CCM2: variants seen among roughly 807,000 people sequenced by gnomAD.
CCM2 encodes the protein CCM2 scaffold protein, also known as cerebral cavernous malformations 2 protein.
In CCM2, 25 loss-of-function variants were observed where a neutral mutation model predicts 44.9. The ratio of observed to expected loss-of-function variants is 0.56; its 90% CI spans 0.41 to 0.78. The LOEUF is 0.78. CCM2 is among the 30% of genes least tolerant of loss of function. The pLI, the probability that CCM2 is intolerant of heterozygous loss-of-function variation, is 0.00. For missense variants in CCM2, 481 were observed against 580.6 expected (o/e 0.83, Z 1.76); for synonymous variants, 219 against 241.1 (o/e 0.91, Z 0.85).
intron 1 of CCM2, among the ~76,000 whole-genome samples, chr7:45,018,952 G>GT (rs1796371914): frequency 6.6e-6 from 1 of 150,786 alleles, no homozygotes; most frequent in Non-Finnish European, 1.5e-5. Flanking sequence ...TAGAAATGTG[G>GT]TTTTGCCATG....
At chr7:45,044,028 G>A (rs1797637314) in intron 2 of CCM2, among the ~76,000 whole-genome samples, 1 of 152,148 alleles carries the variant, frequency 6.6e-6, no homozygotes, top group African/African-American at 2.4e-5. Context: ...TCCAGAATTA[G>A]TTGTTTAGTT....
chr7:45,051,586 G>C lies in CCM2; in HGVS notation c.205-12332G>C, dbSNP rs941783823. On this transcript the variant is annotated intron_variant, in intron 2 of 9. Coordinates refer to ENST00000258781, the MANE Select transcript of CCM2 (RefSeq NM_031443.4). ...CTAATTTATTTATTTATTGTGAGAC[G>C]GAGTCTTGCTCTGTCTCCCAGGCTG... 3.4e-5 allele frequency among the ~76,000 whole-genome samples: 5 copies of C among 148,008 alleles called. No homozygotes were observed. The East Asian group carries it at 9.9e-4, about 29-fold the overall frequency.
intron 1 of CCM2, among the ~76,000 whole-genome samples, chr7:45,034,733 TG>T (rs1797136960): frequency 1.3e-5 from 2 of 151,950 alleles, no homozygotes; most frequent in South Asian, 4.2e-4. Flanking sequence ...TTGGCCAGGC[TG>T]GTCTCTTAAC....
intron 2 of CCM2, among the ~76,000 whole-genome samples, chr7:45,044,680 G>A (rs551251924): frequency 1.3e-5 from 2 of 152,220 alleles, no homozygotes; most frequent in South Asian, 4.1e-4. Context: ...TTTTTTACTA[G>A]TTTATGGAGA....
rs530473638 is a variant in CCM2, at chr7:45,073,422, G to A, written c.804-38G>A. 1.7e-4 allele frequency: 255 copies of A among 1,488,934 alleles called. 6 individuals carry two copies. The South Asian group carries it at 2.7e-3, about 16-fold the overall frequency. 92.2% of individuals were successfully genotyped at this position (1,488,934 alleles called of 1,614,324 possible). On this transcript the variant is annotated intron_variant, in intron 7 of 9. Transcript: ENST00000258781. Reference sequence around the variant, plus strand: ...TGAAACGTGTGTGGGATGGAGGGTCGGGGAAGCCACCCGCTCACATACCAC... The same window carrying A: ...TGAAACGTGTGTGGGATGGAGGGTCAGGGAAGCCACCCGCTCACATACCAC...
chr7:45,020,220 A>G (rs1201668539), intron 1 of CCM2, among the ~76,000 whole-genome samples: 1 of 152,030 alleles, frequency 6.6e-6, no homozygotes, highest in Non-Finnish European at 1.5e-5. Flanking sequence ...ATAAATTCCA[A>G]GCTTCTTTTT....
intron 2 of CCM2, among the ~76,000 whole-genome samples, chr7:45,057,816 C>A (rs921470164): frequency 5.9e-5 from 9 of 152,186 alleles, no homozygotes; most frequent in African/African-American, 2.2e-4. Flanking sequence ...TTGCATTCTT[C>A]CCTCCCCACT....
chr7:45,050,533 A>T (rs1296302830), intron 2 of CCM2, among the ~76,000 whole-genome samples: 4 of 152,212 alleles, frequency 2.6e-5, no homozygotes, highest in Non-Finnish European at 5.9e-5. Flanking sequence ...TGAGGAACGC[A>T]GTGTTTATTC....
intron 1 of CCM2, among the ~76,000 whole-genome samples, chr7:45,010,727 A>G (rs1004136720): frequency 5.9e-5 from 9 of 151,982 alleles, no homozygotes; most frequent in African/African-American, 1.9e-4. Context: ...CCTCCTGAGT[A>G]GGTGGGATTA....
rs1443236302 is a variant in CCM2 at position 45,068,428 on chromosome 7, G to A, written c.473-15G>A. On this transcript the variant is annotated splice_polypyrimidine_tract_variant and intron_variant, in intron 4 of 9. Coordinates refer to ENST00000258781, the MANE Select transcript of CCM2 (RefSeq NM_031443.4). ...CCTTCCACTGTGCTAAACTGAGATGGTGTTGACTTCTCAGCCCAGGACCCA... is the reference window on the plus strand; with the variant it reads ...CCTTCCACTGTGCTAAACTGAGATGATGTTGACTTCTCAGCCCAGGACCCA... The A allele has an allele frequency of 6.2e-7, 1 of 1,614,012 alleles. No individual in the cohort carries two copies. Among genetic ancestry groups the A allele is most frequent in the Non-Finnish European group, 8.5e-7 (1 of 1,180,018 alleles).
chr7:45,071,723 C>G (rs1447518782), intron 6 of CCM2: 1 of 456,384 alleles, frequency 2.2e-6, no homozygotes, highest in Admixed American at 2.3e-5. Context: ...CATGCCTTGG[C>G]TCATGGCCCT....
intron 2 of CCM2, among the ~76,000 whole-genome samples, chr7:45,062,590 T>C (rs1270739658): frequency 2.6e-5 from 4 of 152,206 alleles, no homozygotes; most frequent in African/African-American, 9.6e-5. Flanking sequence ...ATCCCAGCAC[T>C]TTGGGAAGCT....
At chr7:45,032,262 C>A (rs1294965) in intron 1 of CCM2, among the ~76,000 whole-genome samples, 131,913 of 152,216 alleles carry the variant, frequency 0.87, 57,470 homozygotes, top group African/African-American at 0.96. Context: ...GCCAGAGAGA[C>A]GCCTGCCTCC....
At chr7:45,014,130 A>T (rs1234892364) in intron 1 of CCM2, among the ~76,000 whole-genome samples, 1 of 151,950 alleles carries the variant, frequency 6.6e-6, no homozygotes, top group East Asian at 1.9e-4. Context: ...TTGTATTTTT[A>T]TTTATTTTAA....
chr7:45,074,213 G>T, intron 8 of CCM2, 57 bp from the exon 9 acceptor site: 1 of 1,610,820 alleles, frequency 6.2e-7, no homozygotes, highest in Non-Finnish European at 8.5e-7. Context: ...AGGTGGGCCC[G>T]ACTGCCGACT....
At chr7:45,034,949 G>A (rs1797147114) in intron 1 of CCM2, among the ~76,000 whole-genome samples, 2 of 152,124 alleles carry the variant, frequency 1.3e-5, no homozygotes, top group Non-Finnish European at 2.9e-5. Flanking sequence ...GCAACCTCCT[G>A]CCTCAGCCTC....
chr7:45,003,561 C>T (rs1583826792), intron 1 of CCM2, among the ~76,000 whole-genome samples: 1 of 151,680 alleles, frequency 6.6e-6, no homozygotes, highest in Non-Finnish European at 1.5e-5. Flanking sequence ...GGTGAAACCC[C>T]GTCTCTACTA....
At chr7:45,075,154 A>T (rs1799280546) in intron 9 of CCM2, among the ~76,000 whole-genome samples, 1 of 152,192 alleles carries the variant, frequency 6.6e-6, no homozygotes, top group South Asian at 2.1e-4. Context: ...CTGTCTGTAC[A>T]ATAGGTTCTG....
At chr7:45,035,153 C>T (rs2128726953) in intron 1 of CCM2, among the ~76,000 whole-genome samples, 1 of 152,292 alleles carries the variant, frequency 6.6e-6, no homozygotes, top group East Asian at 1.9e-4. Context: ...ACTTTCTGTC[C>T]CCTCTGTGGT....
Sources: allele counts gnomAD v4.1 joint callset (sites outside exome capture counted in the v4.1 genomes callset), GRCh38; gene constraint gnomAD v4.1.1; transcripts MANE v1.5; gene names NCBI Gene and HGNC (gene_info 2026-07-23, HGNC 2026-07-21).